ARHGAP24: variants seen among roughly 807,000 people sequenced by gnomAD.
The protein encoded by ARHGAP24 is Rho GTPase activating protein 24.
Under a neutral mutation model 76.4 loss-of-function variants are expected in ARHGAP24, and 50 were observed. The observed-to-expected ratio is 0.65, with a 90% CI of 0.52 to 0.83. The LOEUF (loss-of-function observed/expected upper bound fraction) is 0.83. Ranked by LOEUF, ARHGAP24 falls within the 40% of genes least tolerant of loss-of-function variation. The probability of loss-of-function intolerance (pLI) is 0.00; values close to 1 mark genes in which losing one functional copy is unlikely to be tolerated. For missense variants in ARHGAP24, 930 were observed against 914.2 expected, an observed-to-expected ratio of 1.02 and a Z score of -0.22; for synonymous variants, 345 against 323.3, an observed-to-expected ratio of 1.07 and a Z score of -0.72.
At chr4:85,604,708 T>C (rs1720134608) in intron 2 of ARHGAP24, among the ~76,000 whole-genome samples, 1 of 152,248 alleles carries the variant, frequency 6.6e-6, no homozygotes, top group Admixed American at 6.5e-5. Context: ...TGCCTCAGCC[T>C]ACCAAGTAGC....
rs73835547 is a variant in ARHGAP24, at chr4:85,723,958, C to A, written c.268+1986C>A. Among the ~76,000 whole-genome samples the A allele has an allele frequency of 1.0e-2, 1,519 of 152,224 alleles. 26 individuals carry two copies. Among genetic ancestry groups the A allele is most frequent in the African/African-American group, 0.034 (1,416 of 41,528 alleles). ...TAACATAACAATTACTTTATCTTTGCAAATGGGAATGACAAGATAATATTT... is the reference window on the plus strand; with the variant it reads ...TAACATAACAATTACTTTATCTTTGAAAATGGGAATGACAAGATAATATTT... On this transcript the variant is annotated intron_variant, in intron 3 of 9. Coordinates refer to ENST00000395184, the MANE Select transcript of ARHGAP24 (RefSeq NM_001025616.3).
intron 3 of ARHGAP24, among the ~76,000 whole-genome samples, chr4:85,825,231 TG>T: frequency 6.6e-6 from 1 of 152,340 alleles, no homozygotes; most frequent in Middle Eastern, 3.4e-3. Context: ...TCTGAATAAT[TG>T]AAAACTGACT....
chr4:85,821,745 G>A (rs917438130), intron 3 of ARHGAP24, among the ~76,000 whole-genome samples: 4 of 152,054 alleles, frequency 2.6e-5, no homozygotes, highest in African/African-American at 9.7e-5. Context: ...AATCAACCAA[G>A]ATGAGATTTA....
At position 85,942,267 on chromosome 4, in the gene ARHGAP24, T is replaced by C. The variant is rs1313013838; in HGVS notation, c.593T>C (p.Phe198Ser). 3 of 1,613,986 alleles carry C rather than the reference T, an allele frequency of 1.9e-6. No homozygotes were observed. The highest frequency in any genetic ancestry group is 2.5e-6 in the Non-Finnish European group (3 of 1,179,978). ...TTTGACTGTGGGGAGAAGCCATCAT[T>C]TGACAGGTAGATGTCACAATTTTAC... is the stretch of plus-strand genomic sequence containing the variant. ...DAFDCGEKPS[F>S]DSNTDVHTVA... The change falls in exon 5 of 10, where the codon TTT becomes TCT. Residue 198 changes from phenylalanine to serine, a missense_variant. Phe to Ser is a radical substitution (Grantham distance 155). Transcript: ENST00000395184.
rs149943302 is a variant in ARHGAP24, at chr4:85,915,369, A to G, written c.269-8279A>G. 5.5e-3 allele frequency among the ~76,000 whole-genome samples: 837 copies of G among 152,332 alleles called. 2 individuals carry two copies. The highest frequency in any genetic ancestry group is 0.01 in the Middle Eastern group (3 of 294). ...ATCACAATTATACTTTTTTAAAAAC[A>G]TGACCAAAATAAAAGTCAATATTTA... On this transcript the variant is annotated intron_variant, in intron 3 of 9. Transcript: ENST00000395184.
chr4:85,791,888 G>T (rs1728147227), intron 3 of ARHGAP24, among the ~76,000 whole-genome samples: 1 of 152,208 alleles, frequency 6.6e-6, no homozygotes, highest in Non-Finnish European at 1.5e-5. Flanking sequence ...GAGGTGGTCA[G>T]TAGTGTCCAG....
chr4:85,626,891 G>C (rs1578090048), intron 2 of ARHGAP24, among the ~76,000 whole-genome samples: 1 of 152,032 alleles, frequency 6.6e-6, no homozygotes, highest in Admixed American at 6.6e-5. Context: ...TTCTGCATTT[G>C]TCATGTAGCT....
intron 2 of ARHGAP24, among the ~76,000 whole-genome samples, chr4:85,697,845 C>G (rs1723926915): frequency 1.3e-5 from 2 of 152,026 alleles, no homozygotes; most frequent in African/African-American, 4.8e-5. Flanking sequence ...CCTGCCTTGA[C>G]CAGAGGTGAA....
chr4:85,477,180 A>G (rs1248271746), intron 1 of ARHGAP24, among the ~76,000 whole-genome samples: 1 of 152,210 alleles, frequency 6.6e-6, no homozygotes, highest in Non-Finnish European at 1.5e-5. Flanking sequence ...TAAAAGAGGT[A>G]TGGTACTAGG....
intron 2 of ARHGAP24, among the ~76,000 whole-genome samples, chr4:85,592,891 G>A (rs1388713879): frequency 6.6e-6 from 1 of 152,076 alleles, no homozygotes; most frequent in Non-Finnish European, 1.5e-5. Context: ...ACTGTTGATG[G>A]GCACTTAGGT....
intron 8 of ARHGAP24, among the ~76,000 whole-genome samples, chr4:85,980,700 T>C (rs1422282336): frequency 6.6e-6 from 1 of 152,238 alleles, no homozygotes; most frequent in East Asian, 1.9e-4. Flanking sequence ...CTTGTATTGA[T>C]GTCTTTCCAG....
chr4:85,740,252 C>G (rs553096453), intron 3 of ARHGAP24, among the ~76,000 whole-genome samples: 1 of 148,746 alleles, frequency 6.7e-6, no homozygotes, highest in South Asian at 2.1e-4. Flanking sequence ...CGGAGTGTTC[C>G]TCTGTCGTCC....
At chr4:85,859,362 T>G (rs1234749841) in intron 3 of ARHGAP24, among the ~76,000 whole-genome samples, 1 of 152,126 alleles carries the variant, frequency 6.6e-6, no homozygotes, top group Non-Finnish European at 1.5e-5. Context: ...TTTCATAAAC[T>G]CTTGATATCA....
intron 3 of ARHGAP24, among the ~76,000 whole-genome samples, chr4:85,896,518 T>C (rs907346823): frequency 4.6e-5 from 7 of 152,208 alleles, no homozygotes; most frequent in Non-Finnish European, 1.0e-4. Context: ...TAGAATATAC[T>C]GTATTTAGAA....
chr4:85,730,476 G>A (rs1725358948), intron 3 of ARHGAP24, among the ~76,000 whole-genome samples: 2 of 152,078 alleles, frequency 1.3e-5, no homozygotes, highest in Non-Finnish European at 2.9e-5. Flanking sequence ...GTGCAATCAC[G>A]GCTCACTGCC....
intron 1 of ARHGAP24, among the ~76,000 whole-genome samples, chr4:85,495,615 G>T (rs1485061079): frequency 2.0e-5 from 3 of 152,034 alleles, no homozygotes; most frequent in African/African-American, 7.2e-5. Flanking sequence ...GCCGCCCAAA[G>T]TGCTGGGATT....
chr4:85,900,839 T>C (rs957462222), intron 3 of ARHGAP24, among the ~76,000 whole-genome samples: 48 of 152,218 alleles, frequency 3.2e-4, no homozygotes, highest in Non-Finnish European at 4.9e-4. Context: ...ATCTTCCAAG[T>C]TCCACTCATG....
At chr4:85,633,848 G>C (rs1721234447) in intron 2 of ARHGAP24, among the ~76,000 whole-genome samples, 1 of 151,792 alleles carries the variant, frequency 6.6e-6, no homozygotes, top group African/African-American at 2.4e-5. Context: ...GATTGCCTCT[G>C]CAACCAGATT....
chr4:85,552,461 C>T (rs917661688), intron 1 of ARHGAP24, among the ~76,000 whole-genome samples: 4 of 151,930 alleles, frequency 2.6e-5, no homozygotes, highest in East Asian at 1.9e-4. Context: ...TTGTAGAGTC[C>T]ATGCCATGTT....
Sources: allele counts gnomAD v4.1 joint callset (sites outside exome capture counted in the v4.1 genomes callset), GRCh38; gene constraint gnomAD v4.1.1; transcripts MANE v1.5; gene names NCBI Gene and HGNC (gene_info 2026-07-23, HGNC 2026-07-21).